CREBBP: variants seen among roughly 807,000 people sequenced by gnomAD.
CREBBP encodes the protein CREB binding lysine acetyltransferase.
Under a neutral mutation model 265.0 loss-of-function variants are expected in CREBBP, and 19 were observed. The ratio of observed to expected loss-of-function variants is 0.07; its 90% CI spans 0.05 to 0.11. The LOEUF (loss-of-function observed/expected upper bound fraction) is 0.11, where lower values mean the gene tolerates loss of function less well. Among genes scored for constraint, CREBBP ranks in the 10% least tolerant of loss-of-function variants. The pLI, the probability that CREBBP is intolerant of heterozygous loss-of-function variation, is 1.00. For synonymous variants in CREBBP, 1,457 were observed against 1,223.7 expected, an observed-to-expected ratio of 1.19 and a Z score of -3.98; for missense variants, 2,525 against 3,219.0, an observed-to-expected ratio of 0.78 and a Z score of 5.22.
At chr16:3,811,089 C>T (rs1030041918) in intron 2 of CREBBP, among the ~76,000 whole-genome samples, 12 of 152,054 alleles carry the variant, frequency 7.9e-5, no homozygotes, top group African/African-American at 2.7e-4. Context: ...GAAAACAAAA[C>T]CTTCCAAAGC....
Position 3,727,898 on chromosome 16 carries a change from G to C in CREBBP, c.7149C>G (p.Pro2383=), listed in dbSNP as rs373399377. The change falls in exon 31 of 31, where the codon CCC becomes CCG. Residue 2383 remains proline (P), a synonymous_variant. Transcript: ENST00000262367. ...PHHVSPQTGS[P]HPGLAVTMAS... The stretch of plus-strand genomic sequence containing the variant: ...CCATGGTGACTGCGAGTCCGGGGTG[G>C]GGGGAACCAGTCTGGGGTGAGACGT... 6.2e-7 allele frequency: 1 copy of C among 1,613,066 alleles called. No individual in the cohort carries two copies. Among genetic ancestry groups the C allele is most frequent in the Non-Finnish European group, 8.5e-7 (1 of 1,179,370 alleles).
chr16:3,838,927 A>G (rs79521851), intron 2 of CREBBP, among the ~76,000 whole-genome samples: 4,295 of 152,280 alleles, frequency 0.028, 193 homozygotes, highest in African/African-American at 0.096. Context: ...TTGTGTGGCT[A>G]TCTCAAATAT....
chr16:3,759,393 A>C (rs902372069), intron 16 of CREBBP, among the ~76,000 whole-genome samples: 4 of 152,116 alleles, frequency 2.6e-5, no homozygotes, highest in African/African-American at 9.7e-5. Context: ...GTTCAAGACC[A>C]GCCTGACCAA....
In CREBBP at chr16:3,726,226, T is replaced by C; in HGVS notation, c.*1492A>G. 1 of 179,696 alleles carries C rather than the reference T, an allele frequency of 5.6e-6. No individual in the cohort carries two copies. The highest frequency in any genetic ancestry group is 1.1e-5 in the Non-Finnish European group (1 of 93,722). The allele number at this position is 179,696 out of a possible 1,614,324, so 11.1% of individuals were successfully genotyped here. A position where few individuals can be genotyped will look rare whatever the true frequency, so the allele number is the denominator to read the frequency against. On this transcript the variant is annotated 3_prime_UTR_variant, in exon 31 of 31. Transcript: ENST00000262367. ...CTGGAGCACTCTCTGCCTCAGATTC[T>C]GGGAGTCGTGTACGGGGGGGGGGAG...
rs182622239 is a variant in CREBBP at position 3,860,173 on chromosome 16, C to T, written c.86-9164G>A. Among the ~76,000 whole-genome samples the T allele has an allele frequency of 3.0e-3, 453 of 152,146 alleles. 4 individuals are homozygous for T. Among genetic ancestry groups the T allele is most frequent in the African/African-American group, 0.011 (436 of 41,512 alleles). ...ATCTGGTCCCAGAGGTGTTCTGTGT[C>T]GACTGTTGACACTGAGTATAGGAAT... is the stretch of plus-strand genomic sequence containing the variant. On this transcript the variant is annotated intron_variant, in intron 1 of 30. Transcript: ENST00000262367.
At chr16:3,750,537 A>G (rs1181334277) in intron 20 of CREBBP, among the ~76,000 whole-genome samples, 1 of 152,192 alleles carries the variant, frequency 6.6e-6, no homozygotes, top group Non-Finnish European at 1.5e-5. Context: ...GTTTTTAGTT[A>G]CTTAAGTATA....
intron 1 of CREBBP, among the ~76,000 whole-genome samples, chr16:3,858,061 T>A (rs1283563851): frequency 1.3e-5 from 2 of 152,140 alleles, no homozygotes; most frequent in African/African-American, 2.4e-5. Flanking sequence ...GCCGGTGGTC[T>A]GCATGCAGAC....
Position 3,731,123 on chromosome 16 carries a change from T to A in CREBBP, c.5172+69A>T, listed in dbSNP as rs1359342379. 1 of 1,538,972 alleles carries A rather than the reference T, an allele frequency of 6.5e-7. No individual in the cohort carries two copies. The highest frequency in any genetic ancestry group is 8.8e-7 in the Non-Finnish European group (1 of 1,131,232). ...GTACAGACACCAACCCGGGCACCCA[T>A]GCAAAGGGACAGGATGCTTCGTCAG... On this transcript the variant is annotated intron_variant, in intron 30 of 30. Transcript: ENST00000262367. This position sits in a 1 kb window ranked among gnomAD's most constrained non-coding sequence, Gnocchi z 7.7.
In CREBBP at chr16:3,850,417, G is replaced by A; in HGVS notation, c.678C>T (p.Tyr226=). ...AGRGRGAGMP[Y]PTPAMQGASS... is the part of the protein sequence containing the mutation. ...AGGCGCCCTGCATGGCTGGAGTAGG[G>A]TACGGCATTCCAGCTCCCCTTCCTC... Residue 226 remains tyrosine, a synonymous_variant, in exon 2 of 31, where the codon TAC becomes TAT. Coordinates refer to ENST00000262367, the MANE Select transcript of CREBBP (RefSeq NM_004380.3). The A allele has an allele frequency of 1.9e-6, 3 of 1,614,256 alleles. No individual in the cohort carries two copies. Among genetic ancestry groups the A allele is most frequent in the Non-Finnish European group, 2.5e-6 (3 of 1,180,052 alleles).
rs570898469 is a variant in CREBBP at position 3,760,752 on chromosome 16, C to T, written c.3251-1780G>A. ...TTTTAGAGACAGAGTCTTGCTCCAA[C>T]GCCCAGGCTGGAGGGCAATGTAGTG... On this transcript the variant is annotated intron_variant, in intron 16 of 30. Coordinates refer to ENST00000262367, the MANE Select transcript of CREBBP (RefSeq NM_004380.3). 2.6e-4 allele frequency among the ~76,000 whole-genome samples: 39 copies of T among 152,144 alleles called. No homozygotes were observed. In the South Asian group the frequency reaches 4.8e-3, roughly 19 times the overall value.
chr16:3,791,569 T>G (rs1321661686), intron 5 of CREBBP, among the ~76,000 whole-genome samples: 1 of 152,118 alleles, frequency 6.6e-6, no homozygotes, highest in Non-Finnish European at 1.5e-5. Flanking sequence ...GCTTTCCAAT[T>G]CCAAAAGAAG....
At chr16:3,846,947 T>A (rs1482903786) in intron 2 of CREBBP, among the ~76,000 whole-genome samples, 1 of 152,242 alleles carries the variant, frequency 6.6e-6, no homozygotes, top group Non-Finnish European at 1.5e-5. Context: ...ACCATGTGCA[T>A]GTTTACTTTC....
Position 3,732,077 on chromosome 16 carries a change from A to T in CREBBP, c.4729-140T>A, listed in dbSNP as rs908189181. ...AGGCAGACCCCATACGTGAACGGCTACAGGTGGCTGTAGGTGCTGCAGCCT... is the reference window on the plus strand; with the variant it reads ...AGGCAGACCCCATACGTGAACGGCTTCAGGTGGCTGTAGGTGCTGCAGCCT... On this transcript the variant is annotated intron_variant, in intron 28 of 30. Coordinates refer to ENST00000262367, the MANE Select transcript of CREBBP (RefSeq NM_004380.3). 36 of 1,507,592 alleles carry T rather than the reference A, an allele frequency of 2.4e-5. No homozygotes were observed. In the South Asian group the frequency reaches 3.8e-4, roughly 16 times the overall value. 93.4% of individuals were successfully genotyped at this position (1,507,592 alleles called of 1,614,324 possible). A position where few individuals can be genotyped will look rare whatever the true frequency, so the allele number is the denominator to read the frequency against.
At chr16:3,758,118 C>T (rs2151384474) in intron 17 of CREBBP, 70 bp from the exon 18 acceptor site, 1 of 1,519,070 alleles carries the variant, frequency 6.6e-7, no homozygotes, top group East Asian at 2.3e-5. Flanking sequence ...CATCTGGCAG[C>T]TTTGTTTTAA....
chr16:3,869,935 T>C (rs1200639937), intron 1 of CREBBP, among the ~76,000 whole-genome samples: 3 of 152,188 alleles, frequency 2.0e-5, no homozygotes, highest in African/African-American at 7.2e-5. Context: ...CAACAGAAGT[T>C]CAACTACGGG....
Position 3,728,945 on chromosome 16 carries a change from G to C in CREBBP, c.6102C>G (p.Gly2034=). The change falls in exon 31 of 31, where the codon GGC becomes GGG. Residue 2034 remains glycine (G), a synonymous_variant. Coordinates refer to ENST00000262367, the MANE Select transcript of CREBBP (RefSeq NM_004380.3). This position sits in a 1 kb window ranked among gnomAD's most constrained non-coding sequence, Gnocchi z 8.7. ...APLPQQQPMP[G]LPRPVISMQA... is the part of the protein sequence containing the mutation. ...GCATGGATATCACAGGCCTGGGCAA[G>C]CCTGGCATGGGCTGCTGCTGGGGAA... The C allele has an allele frequency of 6.2e-7, 1 of 1,600,774 alleles. No individual in the cohort carries two copies.
intron 3 of CREBBP, among the ~76,000 whole-genome samples, chr16:3,794,118 G>A (rs2053558906): frequency 6.6e-6 from 1 of 151,780 alleles, no homozygotes; most frequent in South Asian, 2.1e-4. Flanking sequence ...ACGAGGTCAG[G>A]AGATCGGGAC....
intron 14 of CREBBP, 96 bp downstream of exon 14, chr16:3,770,474 G>A: frequency 7.3e-7 from 1 of 1,372,614 alleles, no homozygotes; most frequent in Admixed American, 1.7e-5. Context: ...GAAATTATAG[G>A]TGTGAACCAC....
chr16:3,807,893 C>T (rs753350480), intron 3 of CREBBP, among the ~76,000 whole-genome samples: 11 of 152,160 alleles, frequency 7.2e-5, no homozygotes, highest in African/African-American at 2.2e-4. Context: ...CAAAGGCACA[C>T]GTGGGCACAG....
Sources: gnomAD v4.1 joint callset for allele counts (sites outside exome capture counted in the v4.1 genomes callset) on GRCh38, gnomAD v4.1.1 for gene constraint, Gnocchi (gnomAD v3.1) non-coding constraint, MANE v1.5 for transcripts, NCBI Gene and HGNC (gene_info 2026-07-23, HGNC 2026-07-21) for gene names.